Variants in PRELID2 observed in about 807,000 individuals in gnomAD.
PRELID2 encodes the protein PRELI domain-containing protein 2.
In PRELID2, 25 loss-of-function variants were observed where a neutral mutation model predicts 28.4. The observed-to-expected ratio is 0.88, with a 90% CI of 0.64 to 1.23. PRELID2 has a LOEUF of 1.23. PRELID2 is among the 50% of genes most tolerant of loss of function. The pLI is 0.00. For missense variants in PRELID2, 201 were observed against 214.4 expected (o/e 0.94, Z 0.39); for synonymous variants, 76 against 71.6 (o/e 1.06, Z -0.31).
chr5:145,806,364 G>T (rs1156385868), intron 4 of PRELID2, among the ~76,000 whole-genome samples: 1 of 151,516 alleles, frequency 6.6e-6, no homozygotes, highest in Non-Finnish European at 1.5e-5. Flanking sequence ...CATTAGCCTA[G>T]GACTACACAG....
chr5:145,230,602 A>T, the PRELID2 span, among the ~76,000 whole-genome samples: 1 of 152,076 alleles, frequency 6.6e-6, no homozygotes, highest in Non-Finnish European at 1.5e-5. Context: ...AAAGAAAAGA[A>T]AAAAATGAAG....
intron 1 of PRELID2, among the ~76,000 whole-genome samples, chr5:145,648,043 A>G (rs954814877): frequency 6.6e-6 from 1 of 152,208 alleles, no homozygotes; most frequent in African/African-American, 2.4e-5. Flanking sequence ...GAAGACAGAC[A>G]TTGCTTCACT....
intron 1 of PRELID2, among the ~76,000 whole-genome samples, chr5:145,511,449 A>G (rs2126641203): frequency 6.6e-6 from 1 of 152,346 alleles, no homozygotes; most frequent in South Asian, 2.1e-4. Context: ...TCGTGACTGA[A>G]AAGCTAATGT....
intron 1 of PRELID2, among the ~76,000 whole-genome samples, chr5:145,614,023 A>G (rs1359778732): frequency 1.3e-5 from 2 of 152,188 alleles, no homozygotes; most frequent in Non-Finnish European, 2.9e-5. Flanking sequence ...ATCCAGTTTC[A>G]TTCTCCTACA....
At chr5:145,451,159 G>A in the PRELID2 span, 1 of 152,034 alleles carries the variant, frequency 6.6e-6, no homozygotes, top group Non-Finnish European at 1.5e-5. Context: ...ATTCATTATT[G>A]CCCACATGCC....
chr5:145,277,983 C>G, the PRELID2 span, among the ~76,000 whole-genome samples: 2 of 152,194 alleles, frequency 1.3e-5, no homozygotes, highest in Non-Finnish European at 2.9e-5. Flanking sequence ...GAAACCCAGC[C>G]TGCGAGAACC....
the PRELID2 span, among the ~76,000 whole-genome samples, chr5:145,290,394 T>A: frequency 6.6e-6 from 1 of 151,932 alleles, no homozygotes; most frequent in African/African-American, 2.4e-5. Flanking sequence ...ATGTGGCACA[T>A]ATACACCATG....
At chr5:145,368,065 T>A in the PRELID2 span, among the ~76,000 whole-genome samples, 1 of 151,948 alleles carries the variant, frequency 6.6e-6, no homozygotes, top group South Asian at 2.1e-4. Flanking sequence ...GGGTTGTCGA[T>A]GTTGTCTGAA....
chr5:145,377,336 G>C, the PRELID2 span, among the ~76,000 whole-genome samples: 1 of 152,110 alleles, frequency 6.6e-6, no homozygotes, highest in African/African-American at 2.4e-5. Context: ...AGTATGTGCA[G>C]ATAAGAAGAA....
intron 1 of PRELID2, among the ~76,000 whole-genome samples, chr5:145,659,135 A>C (rs1754446386): frequency 6.6e-6 from 1 of 152,190 alleles, no homozygotes; most frequent in Non-Finnish European, 1.5e-5. Flanking sequence ...GGGCTATGGC[A>C]CAGACTTCAA....
At chr5:145,423,539 G>T in the PRELID2 span, among the ~76,000 whole-genome samples, 2 of 148,922 alleles carry the variant, frequency 1.3e-5, no homozygotes, top group African/African-American at 4.9e-5. Context: ...GGCTCCTGAG[G>T]CTTCTGCATT....
the PRELID2 span, among the ~76,000 whole-genome samples, chr5:145,302,992 A>G: frequency 1.1e-4 from 16 of 152,210 alleles, no homozygotes; most frequent in Admixed American, 1.0e-3. Flanking sequence ...TTTAAGCTTT[A>G]TAATCACAGG....
intron 4 of PRELID2, among the ~76,000 whole-genome samples, chr5:145,799,252 C>T (rs914397994): frequency 6.8e-6 from 1 of 146,636 alleles, no homozygotes; most frequent in Non-Finnish European, 1.5e-5. Context: ...ACCTACAAGA[C>T]AAAAATACTA....
At chr5:145,791,304 C>G (rs577174507) in intron 5 of PRELID2, among the ~76,000 whole-genome samples, 7 of 152,194 alleles carry the variant, frequency 4.6e-5, no homozygotes, top group South Asian at 4.1e-4. Flanking sequence ...TTACAATTCA[C>G]GTAAGATTTG....
At chr5:145,574,848 A>G (rs1393128124) in intron 1 of PRELID2, among the ~76,000 whole-genome samples, 1 of 152,218 alleles carries the variant, frequency 6.6e-6, no homozygotes, top group African/African-American at 2.4e-5. Context: ...TGTAAATGCT[A>G]TGTAAGTAGC....
At chr5:145,364,158 A>G in the PRELID2 span, among the ~76,000 whole-genome samples, 1 of 151,998 alleles carries the variant, frequency 6.6e-6, no homozygotes, top group African/African-American at 2.4e-5. Context: ...TACCAAAGGT[A>G]AACAAAACTG....
chr5:145,624,886 AT>A (rs1354196639), intron 1 of PRELID2, among the ~76,000 whole-genome samples: 1 of 152,180 alleles, frequency 6.6e-6, no homozygotes, highest in Admixed American at 6.5e-5. Flanking sequence ...TAAATCAATG[AT>A]AAAAAATTAA....
chr5:145,709,530 G>T (rs2149708756), intron 1 of PRELID2, among the ~76,000 whole-genome samples: 2 of 151,272 alleles, frequency 1.3e-5, no homozygotes, highest in Middle Eastern at 6.8e-3. Context: ...CAGGTGGAAT[G>T]AACATTCTGA....
chr5:145,830,431 T>C (rs1028852628), intron 1 of PRELID2, among the ~76,000 whole-genome samples: 1 of 152,204 alleles, frequency 6.6e-6, no homozygotes, highest in African/African-American at 2.4e-5. Context: ...ATCCAGCTCA[T>C]GAAAGGCAAG....
Sources: allele counts gnomAD v4.1 joint callset (sites outside exome capture counted in the v4.1 genomes callset), GRCh38; gene constraint gnomAD v4.1.1; transcripts MANE v1.5; gene names NCBI Gene and HGNC (gene_info 2026-07-23, HGNC 2026-07-21).